Variants in GHR observed in about 807,000 individuals in gnomAD.
GHR encodes the protein GH receptor.
In GHR, 35 loss-of-function variants were observed where a neutral mutation model predicts 67.1. That is an observed-to-expected ratio of 0.52 (90% CI 0.40 to 0.69). GHR has a LOEUF of 0.69. Among genes scored for constraint, GHR ranks in the 30% least tolerant of loss-of-function variants. GHR has a pLI of 0.00. For missense variants in GHR, 792 were observed against 764.6 expected, an observed-to-expected ratio of 1.04 and a Z score of -0.42; for synonymous variants, 272 against 269.1, an observed-to-expected ratio of 1.01 and a Z score of -0.10.
At chr5:42,636,969 A>T (rs905815455) in intron 3 of GHR, among the ~76,000 whole-genome samples, 16 of 152,194 alleles carry the variant, frequency 1.1e-4, no homozygotes, top group African/African-American at 3.9e-4. Flanking sequence ...ACTTTTGAAA[A>T]TATAGTATGA....
At chr5:42,429,484 A>G (rs1044077701) in intron 1 of GHR, among the ~76,000 whole-genome samples, 1 of 152,238 alleles carries the variant, frequency 6.6e-6, no homozygotes, top group Non-Finnish European at 1.5e-5. Flanking sequence ...TTCTATATCT[A>G]TTAAGACAGT....
At chr5:42,667,644 G>A (rs941611647) in intron 3 of GHR, among the ~76,000 whole-genome samples, 4 of 152,178 alleles carry the variant, frequency 2.6e-5, no homozygotes, top group African/African-American at 9.6e-5. Flanking sequence ...CCAATTAGAA[G>A]GAGGCCTTAG....
chr5:42,485,101 A>G (rs1473175635), intron 1 of GHR, among the ~76,000 whole-genome samples: 3 of 152,190 alleles, frequency 2.0e-5, no homozygotes, highest in Non-Finnish European at 4.4e-5. Flanking sequence ...AAGTTTACCC[A>G]TTATTTTCAG....
intron 1 of GHR, among the ~76,000 whole-genome samples, chr5:42,534,434 A>T (rs1347493537): frequency 6.8e-6 from 1 of 146,834 alleles, no homozygotes; most frequent in Non-Finnish European, 1.5e-5. Context: ...ATATATGTAC[A>T]TGTGTATATG....
At chr5:42,591,689 C>G (rs1184263845) in intron 2 of GHR, among the ~76,000 whole-genome samples, 1 of 152,162 alleles carries the variant, frequency 6.6e-6, no homozygotes, top group Non-Finnish European at 1.5e-5. Flanking sequence ...CACTTGTCCA[C>G]TGTCCTTGCT....
Position 42,711,365 on chromosome 5 carries a change from TGAA to T in GHR, c.782_784del (p.Glu261del). 6.2e-7 allele frequency: 1 copy of T among 1,608,416 alleles called. No homozygotes were observed. ...TTCCTCAGATGAGCCAATTTACATG[TGAA>T]GAAGGTAAAAGAAATAAAAGATTAA... On this transcript the variant is annotated inframe_deletion, in exon 7 of 10. Coordinates refer to ENST00000230882, the MANE Select transcript of GHR (RefSeq NM_000163.5).
At chr5:42,623,533 C>G (rs771540875) in intron 2 of GHR, among the ~76,000 whole-genome samples, 1 of 152,152 alleles carries the variant, frequency 6.6e-6, no homozygotes, top group Non-Finnish European at 1.5e-5. Flanking sequence ...CCTTCTGCAC[C>G]TTTGTTTCCT....
chr5:42,441,227 G>C (rs115533863), intron 1 of GHR, among the ~76,000 whole-genome samples: 3,351 of 152,188 alleles, frequency 0.022, 123 homozygotes, highest in African/African-American at 0.076. Context: ...GATGCTAGAG[G>C]GGCATCTCAG....
In GHR at chr5:42,556,140, A is replaced by G. The variant is rs534099497; in HGVS notation, c.-11-9724A>G. On this transcript the variant is annotated intron_variant, in intron 1 of 9. Transcript: ENST00000230882. ...TAAAAGGAAAGAGGGGTTTCCTCCA[A>G]TTTTTGCTCCATTTGTTATTAGGGC... Among the ~76,000 whole-genome samples, 12 of 152,242 alleles carry G rather than the reference A, an allele frequency of 7.9e-5. 1 individual carries two copies. The highest frequency in any genetic ancestry group is 7.2e-4 in the Admixed American group (11 of 15,286).
At chr5:42,606,153 T>G (rs1449377476) in intron 2 of GHR, among the ~76,000 whole-genome samples, 1 of 152,088 alleles carries the variant, frequency 6.6e-6, no homozygotes, top group African/African-American at 2.4e-5. Flanking sequence ...ATGGACAAAC[T>G]CCTTCCAGGA....
intron 2 of GHR, among the ~76,000 whole-genome samples, chr5:42,585,504 G>A (rs1367558970): frequency 6.6e-6 from 1 of 152,198 alleles, no homozygotes; most frequent in African/African-American, 2.4e-5. Context: ...CACCTGGAAT[G>A]TTCCAAAAAA....
At chr5:42,694,200 T>C (rs1015708919) in intron 4 of GHR, among the ~76,000 whole-genome samples, 2 of 152,222 alleles carry the variant, frequency 1.3e-5, no homozygotes, top group African/African-American at 4.8e-5. Flanking sequence ...CATTGCTTTG[T>C]AATATGGTTT....
At chr5:42,474,082 G>T (rs1264547001) in intron 1 of GHR, among the ~76,000 whole-genome samples, 2 of 151,408 alleles carry the variant, frequency 1.3e-5, no homozygotes, top group Non-Finnish European at 1.5e-5. Flanking sequence ...CCAGCTACTT[G>T]GGAGGCTGAG....
At chr5:42,705,906 A>G (rs534813266) in intron 6 of GHR, among the ~76,000 whole-genome samples, 9 of 152,256 alleles carry the variant, frequency 5.9e-5, no homozygotes, top group African/African-American at 2.2e-4. Flanking sequence ...TCAGGTATAT[A>G]CCCAATAACG....
chr5:42,496,495 G>C (rs746250016), intron 1 of GHR, among the ~76,000 whole-genome samples: 11 of 152,068 alleles, frequency 7.2e-5, no homozygotes, highest in African/African-American at 1.9e-4. Context: ...GCTTGATCTT[G>C]GGATGCTGGA....
At chr5:42,483,850 A>G (rs1376817082) in intron 1 of GHR, among the ~76,000 whole-genome samples, 1 of 152,254 alleles carries the variant, frequency 6.6e-6, no homozygotes, top group Admixed American at 6.5e-5. Context: ...GGGTGAAGTC[A>G]GAGAAAAGAA....
At chr5:42,609,322 G>A (rs1752777246) in intron 2 of GHR, among the ~76,000 whole-genome samples, 1 of 152,130 alleles carries the variant, frequency 6.6e-6, no homozygotes, top group African/African-American at 2.4e-5. Flanking sequence ...AAGGGTTCTG[G>A]GCAATGTCAT....
Position 42,630,114 on chromosome 5 carries a change from G to A in GHR, c.136+1011G>A, listed in dbSNP as rs1580087926. On this transcript the variant is annotated intron_variant, in intron 3 of 9. Coordinates refer to ENST00000230882, the MANE Select transcript of GHR (RefSeq NM_000163.5). ...ACTTTGTCCTTTACAACATGATAGC[G>A]TTTGCCTCCTGACATTTTAGTGTGT... 1.5e-5 allele frequency among the ~76,000 whole-genome samples: 2 copies of A among 131,612 alleles called. 1 individual carries two copies. Among genetic ancestry groups the A allele is most frequent in the East Asian group, 4.1e-4 (2 of 4,912 alleles). 86.3% of individuals were successfully genotyped at this position (131,612 alleles called of 152,430 possible). A position where few individuals can be genotyped will look rare whatever the true frequency, so the allele number is the denominator to read the frequency against.
chr5:42,575,645 A>C (rs533252234), intron 2 of GHR, among the ~76,000 whole-genome samples: 2 of 151,944 alleles, frequency 1.3e-5, no homozygotes, highest in East Asian at 3.9e-4. Context: ...AAGTGCAGGT[A>C]AAGCTGGCTC....
Sources: allele counts gnomAD v4.1 joint callset (sites outside exome capture counted in the v4.1 genomes callset), GRCh38; gene constraint gnomAD v4.1.1; transcripts MANE v1.5; gene names NCBI Gene and HGNC (gene_info 2026-07-23, HGNC 2026-07-21).